Variants in ANKRD13C observed in about 807,000 individuals in gnomAD.
ANKRD13C encodes ankyrin repeat domain-containing protein 13C.
Under a neutral mutation model 65.5 loss-of-function variants are expected in ANKRD13C, and 16 were observed. The observed-to-expected ratio is 0.24, with a 90% confidence interval of 0.17 to 0.37. The LOEUF is 0.37. Ranked by LOEUF, ANKRD13C falls within the 10% of genes least tolerant of loss-of-function variation. The pLI, the probability that ANKRD13C is intolerant of heterozygous loss-of-function variation, is 1.00. For synonymous variants in ANKRD13C, 235 were observed against 238.7 expected (o/e 0.98, Z 0.14); for missense variants, 503 against 655.9 (o/e 0.77, Z 2.55).
intron 2 of ANKRD13C, among the ~76,000 whole-genome samples, chr1:70,331,906 C>T (rs1472014201): frequency 6.7e-6 from 1 of 149,862 alleles, no homozygotes; most frequent in Non-Finnish European, 1.5e-5. Flanking sequence ...CACTCTTGTG[C>T]AACCAAATAT....
chr1:70,289,764 CCG>C (rs1679780557), intron 9 of ANKRD13C, among the ~76,000 whole-genome samples: 1 of 151,980 alleles, frequency 6.6e-6, no homozygotes, highest in South Asian at 2.1e-4. Context: ...GCCTGAGCCA[CCG>C]CGCCCAGCCT....
At chr1:70,275,280 T>C (rs1456658675) in intron 10 of ANKRD13C, among the ~76,000 whole-genome samples, 2 of 152,200 alleles carry the variant, frequency 1.3e-5, no homozygotes, top group African/African-American at 4.8e-5. Context: ...AAAGATCTAA[T>C]TGGCTTTTAT....
chr1:70,312,376 T>G (rs191630633), intron 5 of ANKRD13C, among the ~76,000 whole-genome samples: 236 of 152,164 alleles, frequency 1.6e-3, no homozygotes, highest in African/African-American at 5.2e-3. Context: ...CTGTTTTTTT[T>G]TTTTTTTGAG....
chr1:70,285,625 A>T (rs909104314), intron 9 of ANKRD13C, among the ~76,000 whole-genome samples: 10 of 151,102 alleles, frequency 6.6e-5, no homozygotes, highest in Admixed American at 2.0e-4. Flanking sequence ...TAATAGAGTT[A>T]AACACTTTTT....
At chr1:70,282,987 A>G (rs1679463856) in intron 9 of ANKRD13C, among the ~76,000 whole-genome samples, 1 of 152,166 alleles carries the variant, frequency 6.6e-6, no homozygotes, top group African/African-American at 2.4e-5. Flanking sequence ...ACCATTTCCA[A>G]ATAAATTCTT....
At chr1:70,272,659 C>T (rs148789048) in intron 11 of ANKRD13C, among the ~76,000 whole-genome samples, 89 of 151,748 alleles carry the variant, frequency 5.9e-4, no homozygotes, top group African/African-American at 2.1e-3. Context: ...ATATTAGCTG[C>T]AGTTTTCTTC....
In ANKRD13C at chr1:70,260,159, T is replaced by TGA. The variant is rs1406479452; in HGVS notation, c.*2556_*2557dup. On this transcript the variant is annotated 3_prime_UTR_variant, in exon 13 of 13. Transcript: ENST00000370944. The stretch of plus-strand genomic sequence containing the variant: ...ACTAACATGTATCAGCAGACAGATG[T>TGA]GACAGTTTCCAAACCATCATCTGTA... 6.6e-6 allele frequency among the ~76,000 whole-genome samples: 1 copy of TGA among 152,182 alleles called. No homozygotes were observed. Among genetic ancestry groups the TGA allele is most frequent in the East Asian group, 1.9e-4 (1 of 5,196 alleles).
intron 1 of ANKRD13C, among the ~76,000 whole-genome samples, chr1:70,337,226 G>A (rs1448367794): frequency 1.3e-5 from 2 of 151,838 alleles, no homozygotes; most frequent in African/African-American, 4.8e-5. Context: ...TGTTGGCAAA[G>A]TCAGCAAAAT....
At chr1:70,302,272 C>T (rs546655073) in intron 6 of ANKRD13C, among the ~76,000 whole-genome samples, 1 of 151,480 alleles carries the variant, frequency 6.6e-6, no homozygotes, top group Non-Finnish European at 1.5e-5. Context: ...TATCAAGAAG[C>T]CCTAAAAAAG....
chr1:70,324,204 G>C (rs1681436098), intron 3 of ANKRD13C, among the ~76,000 whole-genome samples: 1 of 151,936 alleles, frequency 6.6e-6, no homozygotes. Flanking sequence ...AAAATATAAA[G>C]ATAATATTAT....
chr1:70,346,373 A>T (rs1484689773), intron 1 of ANKRD13C, among the ~76,000 whole-genome samples: 2 of 152,174 alleles, frequency 1.3e-5, no homozygotes, highest in African/African-American at 4.8e-5. Flanking sequence ...CTACCAGCCC[A>T]GTTTGCTACT....
In ANKRD13C at chr1:70,335,628, ATACT is replaced by A. The variant is rs373250811; in HGVS notation, c.472+426_472+429del. Among the ~76,000 whole-genome samples the A allele has an allele frequency of 3.3e-3, 495 of 151,138 alleles. 2 individuals carry two copies. The highest frequency in any genetic ancestry group is 0.011 in the African/African-American group (460 of 41,420). On this transcript the variant is annotated intron_variant, in intron 2 of 12. Transcript: ENST00000370944. ...AATTAAATAATGACTACTTTAATAA[ATACT>A]TAATAAACAAGTATTAAGTTTTTGC... is the stretch of plus-strand genomic sequence containing the variant.
chr1:70,292,529 C>CA lies in ANKRD13C; in HGVS notation c.1073dup (p.Leu358PhefsTer23). 1 of 1,592,914 alleles carries CA rather than the reference C, an allele frequency of 6.3e-7. No individual in the cohort carries two copies. Among genetic ancestry groups the CA allele is most frequent in the Non-Finnish European group, 8.5e-7 (1 of 1,174,818 alleles). Reference sequence around the variant, plus strand: ...GTCCATTCACCAGGTAAAAGTCTGCCAAAAAGTTTCCTACTCTTTCCTAAA... The same window carrying CA: ...GTCCATTCACCAGGTAAAAGTCTGCCAAAAAAGTTTCCTACTCTTTCCTAAA... On this transcript the variant is annotated frameshift_variant, in exon 9 of 13. Transcript: ENST00000370944. LOFTEE classifies it high-confidence loss of function.
At chr1:70,313,865 C>A in intron 4 of ANKRD13C, 75 bp from the exon 5 acceptor site, 1 of 1,059,334 alleles carries the variant, frequency 9.4e-7, no homozygotes. Context: ...TATGGCTATT[C>A]CTTAAAACAT....
rs202033177 is a variant in ANKRD13C at position 70,317,853 on chromosome 1, AG to A, written c.578-2288del. On this transcript the variant is annotated intron_variant, in intron 3 of 12. Transcript: ENST00000370944. The stretch of plus-strand genomic sequence containing the variant: ...AAAAGAATTCAATTCCTAGATAAAA[AG>A]GGTCTTTCAATAAAAAGCAGAGGCT... Among the ~76,000 whole-genome samples the A allele has an allele frequency of 7.5e-3, 1,145 of 152,268 alleles. 12 individuals carry two copies. The highest frequency in any genetic ancestry group is 0.026 in the African/African-American group (1,067 of 41,550).
intron 6 of ANKRD13C, among the ~76,000 whole-genome samples, chr1:70,302,508 C>A (rs1469566540): frequency 2.7e-5 from 3 of 111,044 alleles, no homozygotes; most frequent in Non-Finnish European, 5.4e-5. Context: ...GGGCGGATCA[C>A]GAGGTCAGGA....
intron 8 of ANKRD13C, among the ~76,000 whole-genome samples, chr1:70,295,463 G>A (rs1181108052): frequency 6.6e-6 from 1 of 151,994 alleles, no homozygotes; most frequent in East Asian, 1.9e-4. Flanking sequence ...GGCCAGGCTG[G>A]TCTCGAACTC....
chr1:70,274,473 C>CAAAAAAAAAAA (rs769480539), intron 11 of ANKRD13C, among the ~76,000 whole-genome samples: 1 of 38,672 alleles, frequency 2.6e-5, no homozygotes, highest in African/African-American at 8.3e-5. Context: ...GACTCCATCT[C>CAAAAAAAAAAA]AAAAAAAAAA....
At position 70,260,342 on chromosome 1, in the gene ANKRD13C, G is replaced by A. The variant is rs1369788074; in HGVS notation, c.*2375C>T. 6.6e-6 allele frequency among the ~76,000 whole-genome samples: 1 copy of A among 152,100 alleles called. No homozygotes were observed. Among genetic ancestry groups the A allele is most frequent in the Non-Finnish European group, 1.5e-5 (1 of 67,962 alleles). ...CATATCTTCTCTGGATACCATACCA[G>A]TGGGCAAGAATATTAACCATTTCTA... On this transcript the variant is annotated 3_prime_UTR_variant, in exon 13 of 13. Coordinates refer to ENST00000370944, the MANE Select transcript of ANKRD13C (RefSeq NM_030816.5).
Sources: allele counts gnomAD v4.1 joint callset (sites outside exome capture counted in the v4.1 genomes callset), GRCh38; gene constraint gnomAD v4.1.1; transcripts MANE v1.5; gene names NCBI Gene and HGNC (gene_info 2026-07-23, HGNC 2026-07-21).